The following PLCL2 variants were observed in gnomAD, a reference collection of about 807,000 sequenced individuals.
The protein encoded by PLCL2 is phospholipase C like 2.
A neutral mutation model predicts 79.6 loss-of-function variants in PLCL2; 4 were observed. That is an observed-to-expected ratio of 0.05 (90% CI 0.02 to 0.11). The LOEUF is 0.11. PLCL2 is among the 10% of genes least tolerant of loss of function. PLCL2 has a pLI of 1.00. For synonymous variants in PLCL2, 484 were observed against 457.7 expected (o/e 1.06, Z -0.73); for missense variants, 895 against 1,291.0 (o/e 0.69, Z 4.70).
intron 5 of PLCL2, among the ~76,000 whole-genome samples, chr3:17,069,619 A>C (rs537491224): frequency 6.6e-6 from 1 of 152,310 alleles, no homozygotes; most frequent in South Asian, 2.1e-4. Context: ...ATTCAAGACC[A>C]TAAAGACATT....
intron 1 of PLCL2, among the ~76,000 whole-genome samples, chr3:16,894,547 C>T (rs1696427273): frequency 6.6e-6 from 1 of 152,178 alleles, no homozygotes; most frequent in Non-Finnish European, 1.5e-5. Context: ...CCAATTTACA[C>T]ACCTACCAGG....
intron 4 of PLCL2, among the ~76,000 whole-genome samples, chr3:17,045,292 A>G (rs890547604): frequency 1.3e-5 from 2 of 152,206 alleles, no homozygotes; most frequent in Non-Finnish European, 2.9e-5. Context: ...ATATATTTTT[A>G]TTAGTTAAAA....
In PLCL2 at chr3:17,030,482, A is replaced by T. The variant is rs192532351; in HGVS notation, c.3019-12392A>T. On this transcript the variant is annotated intron_variant, in intron 3 of 5. Transcript: ENST00000615277. ...CCCCACTTTGTTATTTATACAGAGC[A>T]TGATTACTCCATTTCATAAAGTCAG... is the stretch of plus-strand genomic sequence containing the variant. 7.2e-5 allele frequency among the ~76,000 whole-genome samples: 11 copies of T among 152,330 alleles called. No individual in the cohort carries two copies. In the East Asian group the frequency reaches 1.9e-3, roughly 27 times the overall value.
intron 1 of PLCL2, among the ~76,000 whole-genome samples, chr3:16,906,987 C>G (rs529245609): frequency 6.6e-6 from 1 of 152,312 alleles, no homozygotes; most frequent in South Asian, 2.1e-4. Flanking sequence ...AGAGATCATT[C>G]TTATAACTTC....
intron 1 of PLCL2, among the ~76,000 whole-genome samples, chr3:16,955,627 C>T (rs1322905201): frequency 6.6e-6 from 1 of 152,168 alleles, no homozygotes; most frequent in African/African-American, 2.4e-5. Context: ...GCAGTATGGC[C>T]ATTTTCACCA....
chr3:16,940,449 A>C (rs1697652073), intron 1 of PLCL2, among the ~76,000 whole-genome samples: 1 of 152,144 alleles, frequency 6.6e-6, no homozygotes, highest in Non-Finnish European at 1.5e-5. Flanking sequence ...TTGTAAACTG[A>C]GCTATTTTAA....
chr3:16,981,006 C>T (rs1309548502), intron 1 of PLCL2, among the ~76,000 whole-genome samples: 2 of 152,240 alleles, frequency 1.3e-5, no homozygotes, highest in Admixed American at 6.5e-5. Flanking sequence ...CGTGGTGGCG[C>T]GCGCCTGCAA....
rs369611649 is a variant in PLCL2 at position 17,024,149 on chromosome 3, G to A, written c.3018+9238G>A. Reference sequence around the variant, plus strand: ...AAGCCAGCTGGAAGGATTATATTGTGATCATCAAGAACAGTGGAGCCAAAT... The same window carrying A: ...AAGCCAGCTGGAAGGATTATATTGTAATCATCAAGAACAGTGGAGCCAAAT... On this transcript the variant is annotated intron_variant, in intron 3 of 5. Coordinates refer to ENST00000615277, the MANE Select transcript of PLCL2 (RefSeq NM_001144382.2). Among the ~76,000 whole-genome samples the A allele has an allele frequency of 7.2e-5, 11 of 152,278 alleles. 1 individual carries two copies. In the East Asian group the frequency reaches 1.7e-3, roughly 24 times the overall value.
At chr3:17,054,540 G>A (rs1011837894) in intron 4 of PLCL2, among the ~76,000 whole-genome samples, 1 of 152,030 alleles carries the variant, frequency 6.6e-6, no homozygotes, top group Non-Finnish European at 1.5e-5. Flanking sequence ...ATGGTGGAAG[G>A]CAAAGCAGGA....
At chr3:17,034,276 C>A (rs12491516) in intron 3 of PLCL2, among the ~76,000 whole-genome samples, 49,536 of 152,002 alleles carry the variant, frequency 0.33, 8,300 homozygotes, top group East Asian at 0.55. Flanking sequence ...GATGGGATGG[C>A]ATCCTGTCCA....
chr3:16,941,006 C>T (rs1697667648), intron 1 of PLCL2, among the ~76,000 whole-genome samples: 1 of 152,126 alleles, frequency 6.6e-6, no homozygotes. Flanking sequence ...TGGCTTCCAC[C>T]TCTGTACTCT....
chr3:16,898,117 C>G (rs1411436401), intron 1 of PLCL2, among the ~76,000 whole-genome samples: 1 of 152,138 alleles, frequency 6.6e-6, no homozygotes, highest in African/African-American at 2.4e-5. Context: ...CTTGGAGACC[C>G]CTGTTTAGAG....
intron 1 of PLCL2, among the ~76,000 whole-genome samples, chr3:16,933,615 C>T (rs1313298768): frequency 1.3e-5 from 2 of 151,962 alleles, no homozygotes; most frequent in African/African-American, 4.8e-5. Context: ...TATTGTTCAG[C>T]ATTTTTATTT....
chr3:16,986,783 C>G (rs965134351), intron 1 of PLCL2, among the ~76,000 whole-genome samples: 3 of 151,944 alleles, frequency 2.0e-5, no homozygotes, highest in African/African-American at 7.3e-5. Flanking sequence ...AAATGAGAAC[C>G]TAACAATTGA....
chr3:16,946,422 T>C (rs2063601087), intron 1 of PLCL2, among the ~76,000 whole-genome samples: 1 of 152,104 alleles, frequency 6.6e-6, no homozygotes. Flanking sequence ...TTTAATTGAA[T>C]TTAAATTGTT....
Position 16,927,453 on chromosome 3 carries a change from C to T in PLCL2, c.327+42087C>T, listed in dbSNP as rs374125945. Reference sequence around the variant, plus strand: ...CTTTTTTGTTAGTTTAAAAGGAATGCATCATTGCTTAGTCTTTGTTCTAAA... The same window carrying T: ...CTTTTTTGTTAGTTTAAAAGGAATGTATCATTGCTTAGTCTTTGTTCTAAA... On this transcript the variant is annotated intron_variant, in intron 1 of 5. Coordinates refer to ENST00000615277, the MANE Select transcript of PLCL2 (RefSeq NM_001144382.2). Among the ~76,000 whole-genome samples, 16 of 152,230 alleles carry T rather than the reference C, an allele frequency of 1.1e-4. No homozygotes were observed. The East Asian group carries it at 2.9e-3, about 27-fold the overall frequency.
intron 1 of PLCL2, among the ~76,000 whole-genome samples, chr3:16,973,998 G>C (rs1440422830): frequency 1.3e-5 from 2 of 152,230 alleles, no homozygotes; most frequent in Non-Finnish European, 2.9e-5. Context: ...TCTGAAGACT[G>C]AGTAGGAGTT....
intron 1 of PLCL2, among the ~76,000 whole-genome samples, chr3:16,924,645 C>T (rs1220765066): frequency 6.6e-6 from 1 of 152,180 alleles, no homozygotes; most frequent in African/African-American, 2.4e-5. Context: ...ATCCTACAGT[C>T]ACTCTCTGTT....
rs1458619882 is a variant in PLCL2 at position 17,010,960 on chromosome 3, T to C, written c.1614T>C (p.Leu538=). ...QKVMVQHMKK[L]LGDKLYTTSP... ...TAATGGTTCAGCACATGAAGAAACT[T>C]TTAGGAGACAAGCTCTATACAACAT... Residue 538 remains leucine (L), a synonymous_variant, in exon 2 of 6, where the codon CTT becomes CTC. Transcript: ENST00000615277. This position sits in a 1 kb window ranked among gnomAD's most constrained non-coding sequence, Gnocchi z 5.8. The C allele has an allele frequency of 5.6e-6, 9 of 1,613,942 alleles. No homozygotes were observed. The African/African-American group carries it at 9.3e-5, about 17-fold the overall frequency.
Sources: allele counts gnomAD v4.1 joint callset (sites outside exome capture counted in the v4.1 genomes callset), GRCh38; gene constraint gnomAD v4.1.1; non-coding constraint Gnocchi (gnomAD v3.1); transcripts MANE v1.5; gene names NCBI Gene and HGNC (gene_info 2026-07-23, HGNC 2026-07-21).